The following IKBIP variants were observed in gnomAD, a reference collection of about 807,000 sequenced individuals.
IKBIP encodes inhibitor of nuclear factor kappa-B kinase-interacting protein.
IKBIP carries 28 observed loss-of-function variants against 31.0 expected under a neutral mutation model. The observed-to-expected ratio is 0.90, with a 90% CI of 0.67 to 1.24. The LOEUF is 1.24. Ranked by LOEUF, IKBIP falls within the 50% of genes most tolerant of loss-of-function variation. IKBIP has a pLI of 0.00. For missense variants in IKBIP, 453 were observed against 441.9 expected (o/e 1.03, Z -0.23); for synonymous variants, 164 against 160.3 (o/e 1.02, Z -0.17).
intron 2 of IKBIP, among the ~76,000 whole-genome samples, chr12:98,632,146 G>A (rs140007792): frequency 1.9e-3 from 282 of 152,042 alleles, no homozygotes; most frequent in African/African-American, 6.3e-3. Flanking sequence ...GAGCCACCGC[G>A]TCCGGCCTTC....
chr12:98,626,892 AG>A (rs1354071417), intron 2 of IKBIP, 126 bp from the exon 3 acceptor site: 5 of 668,680 alleles, frequency 7.5e-6, no homozygotes, highest in African/African-American at 1.8e-5. Flanking sequence ...AAAATATCCA[AG>A]TATATCAGAA....
At chr12:98,632,711 G>C (rs1023882145) in intron 2 of IKBIP, among the ~76,000 whole-genome samples, 40 of 142,444 alleles carry the variant, frequency 2.8e-4, no homozygotes, top group Non-Finnish European at 3.9e-4. Flanking sequence ...TGAAACCTCT[G>C]CCTCCCAGGT....
At chr12:98,644,470 A>G in intron 1 of IKBIP, 53 bp downstream of exon 1, 1 of 1,505,248 alleles carries the variant, frequency 6.6e-7, no homozygotes, top group South Asian at 1.3e-5. Flanking sequence ...GTGGGAGCCC[A>G]AACAGCAGGG....
At chr12:98,641,756 A>C (rs2097630647) in intron 1 of IKBIP, among the ~76,000 whole-genome samples, 1 of 151,746 alleles carries the variant, frequency 6.6e-6, no homozygotes, top group South Asian at 2.1e-4. Context: ...CCCAGACTCA[A>C]GCTATCTTCT....
chr12:98,628,159 A>G (rs2097616594), intron 2 of IKBIP, among the ~76,000 whole-genome samples: 1 of 152,260 alleles, frequency 6.6e-6, no homozygotes, highest in African/African-American at 2.4e-5. Flanking sequence ...AAGATACAAA[A>G]TACTGCCCTT....
chr12:98,644,588 C>A lies in IKBIP; in HGVS notation c.114G>T (p.Gly38=). ...GGCACGTTCGGGGGTCTGCCCAGCC[C>A]CCGCCTCCGCTGCTCCGGGCCACGG... ...KTPVARSSGG[G]GWADPRTCLS... The change falls in exon 1 of 3, where the codon GGG becomes GGT. Residue 38 remains glycine, a synonymous_variant. Coordinates refer to ENST00000299157, the MANE Select transcript of IKBIP (RefSeq NM_153687.4). The A allele has an allele frequency of 1.9e-6, 3 of 1,609,714 alleles. No individual in the cohort carries two copies. The highest frequency in any genetic ancestry group is 2.5e-6 in the Non-Finnish European group (3 of 1,178,540).
intron 2 of IKBIP, among the ~76,000 whole-genome samples, chr12:98,618,124 G>A (rs2097607281): frequency 6.6e-6 from 1 of 152,060 alleles, no homozygotes; most frequent in South Asian, 2.1e-4. Context: ...TGCTATGATT[G>A]TGCCTATGAA....
chr12:98,627,595 C>T (rs1159120837), intron 2 of IKBIP, among the ~76,000 whole-genome samples: 19 of 152,036 alleles, frequency 1.2e-4, no homozygotes, highest in Non-Finnish European at 2.4e-4. Context: ...CCCGCCACCA[C>T]ACCCGGCTAA....
exon 3 of IKBIP, chr12:98,614,066 G>A (rs912670747): frequency 3.1e-6 from 5 of 1,612,124 alleles, no homozygotes; most frequent in African/African-American, 1.3e-5. Context: ...ATCTGTCAAT[G>A]ATATTACATC....
intron 2 of IKBIP, among the ~76,000 whole-genome samples, chr12:98,633,787 G>T (rs1248260228): frequency 6.6e-6 from 1 of 152,004 alleles, no homozygotes; most frequent in Non-Finnish European, 1.5e-5. Flanking sequence ...ACAGTGCTGG[G>T]ATTAAAGGCA....
At chr12:98,627,614 A>G (rs1041034663) in intron 2 of IKBIP, among the ~76,000 whole-genome samples, 1 of 151,618 alleles carries the variant, frequency 6.6e-6, no homozygotes, top group African/African-American at 2.4e-5. Context: ...AATTTTTTGT[A>G]TTTTTAGTAG....
chr12:98,642,457 G>T (rs937156454), intron 1 of IKBIP, among the ~76,000 whole-genome samples: 27 of 150,402 alleles, frequency 1.8e-4, no homozygotes, highest in South Asian at 1.5e-3. Flanking sequence ...GCCCAAAAAG[G>T]TTTTTTTTTC....
intron 1 of IKBIP, 71 bp from the exon 2 acceptor site, chr12:98,634,484 A>G: frequency 2.6e-6 from 2 of 758,810 alleles, no homozygotes; most frequent in East Asian, 2.6e-5. Flanking sequence ...AAGGAGAATT[A>G]TACCCACTTC....
exon 3 of IKBIP, chr12:98,614,082 C>T: frequency 1.2e-6 from 2 of 1,612,824 alleles, no homozygotes; most frequent in African/African-American, 1.3e-5. Context: ...ACATCAGTTA[C>T]TAAACCTGAA....
At chr12:98,623,560 C>CTTTTTTTTTT (rs35433597), downstream of IKBIP, among the ~76,000 whole-genome samples, 2 of 64,190 alleles carry the variant, frequency 3.1e-5, no homozygotes, top group African/African-American at 7.7e-5. Context: ...CCTCCTTACA[C>CTTTTTTTTTT]TTTTTTTTTT....
At chr12:98,628,471 C>CCTCCT (rs751963599) in intron 2 of IKBIP, among the ~76,000 whole-genome samples, 3 of 152,192 alleles carry the variant, frequency 2.0e-5, no homozygotes, top group Non-Finnish European at 4.4e-5. Flanking sequence ...CCTATGCTAT[C>CCTCCT]CTCCTCTCCT....
downstream of IKBIP, among the ~76,000 whole-genome samples, chr12:98,623,906 ATC>A (rs1191351707): frequency 6.6e-6 from 1 of 151,128 alleles, no homozygotes; most frequent in East Asian, 1.9e-4. Flanking sequence ...GTACATCTAA[ATC>A]TCTCTAATAA....
rs979850184 is a variant in IKBIP at position 98,642,663 on chromosome 12, C to G, written c.179+1860G>C. Among the ~76,000 whole-genome samples the G allele has an allele frequency of 2.9e-5, 4 of 140,318 alleles. No homozygotes were observed. In the South Asian group the frequency reaches 9.0e-4, roughly 31 times the overall value. The allele number at this position is 140,318 out of a possible 152,430, so 92.1% of individuals were successfully genotyped here. A position where few individuals can be genotyped will look rare whatever the true frequency, so the allele number is the denominator to read the frequency against. On this transcript the variant is annotated intron_variant, in intron 1 of 2. Transcript: ENST00000299157. Reference sequence around the variant, plus strand: ...TCCTGCAGGCTGGAGTGCAGTGGCACGATTTCGGCTCACTGCAACCTCCGC... The same window carrying G: ...TCCTGCAGGCTGGAGTGCAGTGGCAGGATTTCGGCTCACTGCAACCTCCGC...
chr12:98,634,552 T>TC (rs1231920147), intron 1 of IKBIP, 139 bp from the exon 2 acceptor site: 21 of 544,024 alleles, frequency 3.9e-5, no homozygotes, highest in East Asian at 3.2e-4. Context: ...TTTTTTTTTT[T>TC]CACACAGGGT....
Sources: allele counts gnomAD v4.1 joint callset (sites outside exome capture counted in the v4.1 genomes callset), GRCh38; gene constraint gnomAD v4.1.1; transcripts MANE v1.5; gene names NCBI Gene and HGNC (gene_info 2026-07-23, HGNC 2026-07-21).